The following SRFBP1 variants were observed in gnomAD, a reference collection of about 807,000 sequenced individuals.
SRFBP1 encodes serum response factor-binding protein 1.
SRFBP1 carries 47 observed loss-of-function variants against 45.5 expected under a neutral mutation model. That is an observed-to-expected ratio of 1.03 (90% CI 0.82 to 1.32). The LOEUF is 1.32. Ranked by LOEUF, SRFBP1 falls within the 40% of genes most tolerant of loss-of-function variation. The pLI, the probability that SRFBP1 is intolerant of heterozygous loss-of-function variation, is 0.00. For missense variants in SRFBP1, 621 were observed against 484.6 expected, an observed-to-expected ratio of 1.28 and a Z score of -2.64; for synonymous variants, 203 against 166.3, an observed-to-expected ratio of 1.22 and a Z score of -1.70.
chr5:121,988,429 A>G (rs1752559181), intron 3 of SRFBP1, among the ~76,000 whole-genome samples: 1 of 152,236 alleles, frequency 6.6e-6, no homozygotes, highest in Non-Finnish European at 1.5e-5. Context: ...AAGGATACAG[A>G]TTAAAATCAG....
Position 121,967,662 on chromosome 5 carries a change from G to A in SRFBP1, c.36+5594G>A, listed in dbSNP as rs546251937. On this transcript the variant is annotated intron_variant, in intron 1 of 7. Coordinates refer to ENST00000339397, the MANE Select transcript of SRFBP1 (RefSeq NM_152546.3). ...AGCCTGGGCGACATGGTGAAACCCC[G>A]TCTCTACAAAAAATACAGAAAAATT... 4.1e-3 allele frequency among the ~76,000 whole-genome samples: 627 copies of A among 152,122 alleles called. 2 individuals are homozygous for A. Among genetic ancestry groups the A allele is most frequent in the Admixed American group, 1.0e-2 (152 of 15,264 alleles).
At chr5:122,052,470 T>G (rs1754006283) in intron 2 of SRFBP1, among the ~76,000 whole-genome samples, 1 of 152,228 alleles carries the variant, frequency 6.6e-6, no homozygotes, top group Admixed American at 6.5e-5. Flanking sequence ...TCTTTATTTT[T>G]GTCTGACTGA....
At chr5:122,062,467 A>G (rs1255762043) in intron 2 of SRFBP1, among the ~76,000 whole-genome samples, 1 of 152,032 alleles carries the variant, frequency 6.6e-6, no homozygotes, top group Non-Finnish European at 1.5e-5. Context: ...ATCTTTGGTT[A>G]CTGAGCTAAT....
At chr5:121,995,628 C>A (rs1174283534) in intron 4 of SRFBP1, among the ~76,000 whole-genome samples, 2 of 152,000 alleles carry the variant, frequency 1.3e-5, no homozygotes, top group South Asian at 2.1e-4. Context: ...AGCAAACATT[C>A]AAAAGCTAGC....
Position 121,974,282 on chromosome 5 carries a change from A to G in SRFBP1, c.123A>G (p.Lys41=). The change falls in exon 2 of 8, where the codon AAA becomes AAG. Residue 41 remains lysine, a splice_region_variant and synonymous_variant. Coordinates refer to ENST00000339397, the MANE Select transcript of SRFBP1 (RefSeq NM_152546.3). The part of the protein sequence containing the change: ...LVRSVGRLKS[K]KGTEDALLKN... ...GGAGTGTTGGCCGACTGAAGTCAAAAAAGTTAGTCATTTAAAGTAATGATC... is the reference window on the plus strand; with the variant it reads ...GGAGTGTTGGCCGACTGAAGTCAAAGAAGTTAGTCATTTAAAGTAATGATC... 7.5e-6 allele frequency: 12 copies of G among 1,608,080 alleles called. No homozygotes were observed. The highest frequency in any genetic ancestry group is 1.0e-5 in the Non-Finnish European group (12 of 1,175,344).
intron 4 of SRFBP1, among the ~76,000 whole-genome samples, chr5:121,995,644 G>C (rs1002432248): frequency 1.2e-4 from 18 of 151,978 alleles, no homozygotes; most frequent in African/African-American, 4.4e-4. Context: ...CTAGCAGAAG[G>C]CAAGAAATAA....
intron 2 of SRFBP1, among the ~76,000 whole-genome samples, chr5:122,050,392 TG>T (rs1753954245): frequency 6.6e-6 from 1 of 152,002 alleles, no homozygotes; most frequent in South Asian, 2.1e-4. Flanking sequence ...TTTGGTTGGT[TG>T]GTTTTTATTA....
At chr5:121,971,105 A>T (rs1468635838) in intron 1 of SRFBP1, among the ~76,000 whole-genome samples, 1 of 152,050 alleles carries the variant, frequency 6.6e-6, no homozygotes, top group African/African-American at 2.4e-5. Context: ...TGAAAGGCCA[A>T]TGTGATTCTT....
chr5:121,997,825 AAC>A (rs1752763465), intron 4 of SRFBP1, among the ~76,000 whole-genome samples: 1 of 151,640 alleles, frequency 6.6e-6, no homozygotes, highest in Admixed American at 6.6e-5. Context: ...ACAAGAAAAA[AAC>A]AAACAACCCC....
chr5:122,013,137 C>G (rs377281776), intron 4 of SRFBP1, among the ~76,000 whole-genome samples: 2 of 152,090 alleles, frequency 1.3e-5, no homozygotes, highest in Non-Finnish European at 2.9e-5. Flanking sequence ...AGCTCATCCT[C>G]CCAGTGTTTA....
intron 4 of SRFBP1, among the ~76,000 whole-genome samples, chr5:122,003,504 A>G (rs747585822): frequency 5.9e-5 from 9 of 152,198 alleles, no homozygotes; most frequent in Non-Finnish European, 1.0e-4. Flanking sequence ...TCAAAATACA[A>G]TAATTGGTTT....
At chr5:121,979,438 T>G (rs910940147) in intron 3 of SRFBP1, among the ~76,000 whole-genome samples, 1 of 152,230 alleles carries the variant, frequency 6.6e-6, no homozygotes, top group African/African-American at 2.4e-5. Flanking sequence ...AAAAGATACC[T>G]TATTGAAGTC....
At chr5:121,987,394 AT>A (rs1752540049) in intron 3 of SRFBP1, among the ~76,000 whole-genome samples, 1 of 152,174 alleles carries the variant, frequency 6.6e-6, no homozygotes, top group Non-Finnish European at 1.5e-5. Flanking sequence ...TGGCAATATG[AT>A]GATAGAGTAT....
Position 121,966,911 on chromosome 5 carries a change from C to T in SRFBP1, c.36+4843C>T, listed in dbSNP as rs1261972137. Among the ~76,000 whole-genome samples, 25 of 149,536 alleles carry T rather than the reference C, an allele frequency of 1.7e-4. No homozygotes were observed. In the East Asian group the frequency reaches 3.1e-3, roughly 19 times the overall value. On this transcript the variant is annotated intron_variant, in intron 1 of 7. Coordinates refer to ENST00000339397, the MANE Select transcript of SRFBP1 (RefSeq NM_152546.3). ...TCTTCTGCCTCAGCCTCCCGACTAG[C>T]TGGGACTACAGGCGTCCACCATCAC... is the stretch of plus-strand genomic sequence containing the variant.
chr5:122,056,012 A>C (rs1244476118), intron 2 of SRFBP1, among the ~76,000 whole-genome samples: 1 of 152,158 alleles, frequency 6.6e-6, no homozygotes, highest in Non-Finnish European at 1.5e-5. Context: ...CAGGACTCAA[A>C]CTGCCCAAGA....
chr5:122,037,965 G>A (rs1753718771), intron 2 of SRFBP1, among the ~76,000 whole-genome samples: 1 of 152,160 alleles, frequency 6.6e-6, no homozygotes, highest in African/African-American at 2.4e-5. Context: ...CTTAGGAATT[G>A]CTTAATCCTT....
chr5:122,029,285 C>G (rs551958505), downstream of SRFBP1, among the ~76,000 whole-genome samples: 1 of 152,066 alleles, frequency 6.6e-6, no homozygotes, highest in African/African-American at 2.4e-5. Flanking sequence ...GACTCCACTA[C>G]GAGGCATTAC....
At chr5:122,070,333 G>T (rs1158259863) in intron 2 of SRFBP1, among the ~76,000 whole-genome samples, 2 of 152,114 alleles carry the variant, frequency 1.3e-5, no homozygotes, top group African/African-American at 4.8e-5. Context: ...TTCCCCTGAA[G>T]TTCTTTAAAA....
At chr5:121,985,892 TAG>T (rs1238734147) in intron 3 of SRFBP1, among the ~76,000 whole-genome samples, 6 of 151,814 alleles carry the variant, frequency 4.0e-5, no homozygotes, top group Non-Finnish European at 7.4e-5. Flanking sequence ...GTGGAAGAAA[TAG>T]AGCAGAGTGG....
Sources: allele counts gnomAD v4.1 joint callset (sites outside exome capture counted in the v4.1 genomes callset), GRCh38; gene constraint gnomAD v4.1.1; transcripts MANE v1.5; gene names NCBI Gene and HGNC (gene_info 2026-07-23, HGNC 2026-07-21).